Variants in CRYL1 observed in about 807,000 individuals in gnomAD.
CRYL1 encodes crystallin lambda 1.
CRYL1 carries 29 observed loss-of-function variants against 36.6 expected under a neutral mutation model. That is an observed-to-expected ratio of 0.79 (90% CI 0.59 to 1.08). The LOEUF is 1.08. CRYL1 is among the 50% of genes least tolerant of loss of function. The pLI, the probability that CRYL1 is intolerant of heterozygous loss-of-function variation, is 0.00. For synonymous variants in CRYL1, 152 were observed against 151.5 expected, an observed-to-expected ratio of 1.00 and a Z score of -0.02; for missense variants, 411 against 407.9, an observed-to-expected ratio of 1.01 and a Z score of -0.06.
intron 3 of CRYL1, among the ~76,000 whole-genome samples, chr13:20,464,639 A>G (rs74036372): frequency 0.013 from 2,008 of 152,278 alleles, 17 homozygotes; most frequent in African/African-American, 0.028. Flanking sequence ...ACTTTTGGCC[A>G]TCTTAATAGT....
chr13:20,434,904 G>C (rs760791682), intron 4 of CRYL1, among the ~76,000 whole-genome samples: 1 of 151,532 alleles, frequency 6.6e-6, no homozygotes, highest in East Asian at 2.0e-4. Context: ...TCAGCTCAGG[G>C]CCCCCGTTTC....
At chr13:20,441,087 C>T (rs570811794) in intron 3 of CRYL1, among the ~76,000 whole-genome samples, 1 of 152,270 alleles carries the variant, frequency 6.6e-6, no homozygotes, top group East Asian at 1.9e-4. Context: ...TCTGGGATCA[C>T]ACCAGGGGTC....
chr13:20,420,900 A>AT (rs1361271457), intron 5 of CRYL1, among the ~76,000 whole-genome samples: 3 of 151,646 alleles, frequency 2.0e-5, no homozygotes, highest in Non-Finnish European at 2.9e-5. Flanking sequence ...CGCCTGGCTA[A>AT]TTTTTTGTAT....
At chr13:20,428,669 T>C (rs1250622024) in intron 5 of CRYL1, among the ~76,000 whole-genome samples, 1 of 152,172 alleles carries the variant, frequency 6.6e-6, no homozygotes, top group Non-Finnish European at 1.5e-5. Context: ...ATGCAAGCCG[T>C]CCTTCCATCC....
intron 5 of CRYL1, chr13:20,431,214 T>C (rs946511492): frequency 2.0e-6 from 2 of 985,412 alleles, no homozygotes; most frequent in South Asian, 4.7e-5. Flanking sequence ...AGCTTCCTGG[T>C]TGCCATCTCA....
intron 6 of CRYL1, among the ~76,000 whole-genome samples, chr13:20,406,336 T>C (rs548993866): frequency 9.8e-5 from 15 of 152,322 alleles, no homozygotes; most frequent in South Asian, 6.2e-4. Context: ...CCTAAAATCA[T>C]TGGGTTGCAA....
intron 5 of CRYL1, chr13:20,431,881 A>G (rs892489933): frequency 6.7e-7 from 1 of 1,492,756 alleles, no homozygotes. Context: ...GGTGACTGTA[A>G]GAAGAACCTC....
chr13:20,411,014 A>G (rs1164355349), intron 6 of CRYL1, among the ~76,000 whole-genome samples: 5 of 152,236 alleles, frequency 3.3e-5, no homozygotes, highest in African/African-American at 1.2e-4. Context: ...ATTTCATTAG[A>G]TTAAAAATAA....
At chr13:20,482,806 C>T (rs2033306491) in intron 3 of CRYL1, among the ~76,000 whole-genome samples, 1 of 152,186 alleles carries the variant, frequency 6.6e-6, no homozygotes, top group Admixed American at 6.5e-5. Flanking sequence ...AACTCTGCCT[C>T]CTGCTTGTGA....
At chr13:20,420,703 G>GTGTT (rs2031784241) in intron 5 of CRYL1, among the ~76,000 whole-genome samples, 1 of 38,744 alleles carries the variant, frequency 2.6e-5, no homozygotes, top group Non-Finnish European at 5.2e-5. Context: ...AATAGAGGTT[G>GTGTT]TGTGTGTGTG....
At chr13:20,431,643 T>C (rs1490556377) in intron 5 of CRYL1, 1 of 1,066,694 alleles carries the variant, frequency 9.4e-7, no homozygotes, top group Non-Finnish European at 1.1e-6. Context: ...GACAAGCATT[T>C]ACTCTAACAA....
chr13:20,520,624 A>G (rs2034075353), intron 1 of CRYL1, among the ~76,000 whole-genome samples: 1 of 152,066 alleles, frequency 6.6e-6, no homozygotes, highest in Non-Finnish European at 1.5e-5. Flanking sequence ...CCAACAGCAG[A>G]CCGCTGACCC....
At chr13:20,506,933 C>A (rs1170311032) in intron 2 of CRYL1, among the ~76,000 whole-genome samples, 3 of 152,080 alleles carry the variant, frequency 2.0e-5, no homozygotes, top group African/African-American at 4.8e-5. Flanking sequence ...GGGGGAGGGA[C>A]CTGGTGGGAG....
chr13:20,471,767 C>T (rs1371468012), intron 3 of CRYL1, among the ~76,000 whole-genome samples: 3 of 152,080 alleles, frequency 2.0e-5, no homozygotes, highest in East Asian at 1.9e-4. Flanking sequence ...TGCTAAAATT[C>T]GAGGATGCTC....
At chr13:20,496,389 C>G (rs2033605090) in intron 2 of CRYL1, among the ~76,000 whole-genome samples, 1 of 152,296 alleles carries the variant, frequency 6.6e-6, no homozygotes, top group South Asian at 2.1e-4. Context: ...GATGGCCAAA[C>G]TTCATGAGAA....
At chr13:20,523,076 C>T (rs1447086520) in intron 1 of CRYL1, among the ~76,000 whole-genome samples, 4 of 151,874 alleles carry the variant, frequency 2.6e-5, no homozygotes, top group African/African-American at 9.7e-5. Context: ...ACCACCACGC[C>T]CGGCTAATTT....
intron 1 of CRYL1, 29 bp from the exon 2 acceptor site, chr13:20,512,579 G>C (rs1423675994): frequency 1.3e-6 from 2 of 1,525,072 alleles, no homozygotes; most frequent in African/African-American, 2.7e-5. Flanking sequence ...AAGGATTCGA[G>C]TTAATTTAAT....
chr13:20,471,104 C>A (rs567334943), intron 3 of CRYL1, among the ~76,000 whole-genome samples: 12 of 152,090 alleles, frequency 7.9e-5, no homozygotes, highest in African/African-American at 2.9e-4. Flanking sequence ...AATATCAAAA[C>A]AAATGAACTG....
intron 5 of CRYL1, chr13:20,431,874 G>T (rs747389397): frequency 1.1e-5 from 17 of 1,481,882 alleles, no homozygotes; most frequent in Non-Finnish European, 1.5e-5. Context: ...GGTATCAGGT[G>T]ACTGTAAGAA....
Sources: gnomAD v4.1 joint callset for allele counts (sites outside exome capture counted in the v4.1 genomes callset) on GRCh38, gnomAD v4.1.1 for gene constraint, MANE v1.5 for transcripts, NCBI Gene and HGNC (gene_info 2026-07-23, HGNC 2026-07-21) for gene names.